The following WWOX variants were observed in gnomAD, a reference collection of about 807,000 sequenced individuals.
WWOX encodes the protein WW domain containing oxidoreductase.
A neutral mutation model predicts 46.2 loss-of-function variants in WWOX; 69 were observed. The observed-to-expected ratio is 1.49, with a 90% confidence interval of 1.23 to 1.82. WWOX has a LOEUF of 1.82. WWOX is among the 40% of genes most tolerant of loss of function. The pLI, the probability that WWOX is intolerant of heterozygous loss-of-function variation, is 0.00. For synonymous variants in WWOX, 359 were observed against 202.6 expected, an observed-to-expected ratio of 1.77 and a Z score of -6.56; for missense variants, 919 against 542.6, an observed-to-expected ratio of 1.69 and a Z score of -6.89.
At chr16:78,652,367 C>G (rs1039933218) in intron 8 of WWOX, among the ~76,000 whole-genome samples, 3 of 146,644 alleles carry the variant, frequency 2.0e-5, no homozygotes, top group African/African-American at 7.7e-5. Context: ...CAAGGTCACG[C>G]CAGTGTACTC....
intron 8 of WWOX, among the ~76,000 whole-genome samples, chr16:78,599,028 T>C (rs2045559627): frequency 6.6e-6 from 1 of 152,142 alleles, no homozygotes; most frequent in African/African-American, 2.4e-5. Flanking sequence ...ACCCCTAAGT[T>C]TGAACAATCA....
intron 5 of WWOX, among the ~76,000 whole-genome samples, chr16:78,277,182 C>T (rs937650021): frequency 6.6e-6 from 1 of 152,012 alleles, no homozygotes; most frequent in Non-Finnish European, 1.5e-5. Context: ...TTTGAAGTAG[C>T]AATTTGAAAG....
intron 8 of WWOX, among the ~76,000 whole-genome samples, chr16:79,195,045 C>T (rs563346940): frequency 2.0e-5 from 3 of 152,226 alleles, no homozygotes; most frequent in East Asian, 3.9e-4. Context: ...GAACATTATG[C>T]ATATGGTGTG....
chr16:78,259,254 A>G (rs2038215933), intron 5 of WWOX, among the ~76,000 whole-genome samples: 1 of 152,244 alleles, frequency 6.6e-6, no homozygotes, highest in African/African-American at 2.4e-5. Context: ...AGACCAAGGG[A>G]TATTTGAAAA....
At chr16:79,184,072 A>G (rs1243203610) in intron 8 of WWOX, among the ~76,000 whole-genome samples, 2 of 152,210 alleles carry the variant, frequency 1.3e-5, no homozygotes. Context: ...AACATTGTCA[A>G]AAGGACTCAA....
chr16:79,080,723 T>C (rs1013871902), intron 8 of WWOX, among the ~76,000 whole-genome samples: 11 of 152,108 alleles, frequency 7.2e-5, no homozygotes, highest in African/African-American at 2.7e-4. Flanking sequence ...TCCCAGCCAC[T>C]TGGGAGGCTG....
intron 8 of WWOX, among the ~76,000 whole-genome samples, chr16:79,166,504 C>A (rs1174632627): frequency 6.6e-6 from 1 of 152,160 alleles, no homozygotes; most frequent in East Asian, 1.9e-4. Flanking sequence ...TTCAGAACCA[C>A]ACCATACGGG....
intron 8 of WWOX, among the ~76,000 whole-genome samples, chr16:78,990,687 C>T (rs1983096): frequency 6.6e-6 from 1 of 152,142 alleles, no homozygotes; most frequent in South Asian, 2.1e-4. Flanking sequence ...GGGAGAAGCA[C>T]ATAGAGGAAA....
chr16:79,007,771 A>C (rs540433927), intron 8 of WWOX, among the ~76,000 whole-genome samples: 2 of 152,224 alleles, frequency 1.3e-5, no homozygotes, highest in Non-Finnish European at 2.9e-5. Flanking sequence ...TTTCTCGGAT[A>C]CCAAAGCTAT....
chr16:78,423,047 G>A (rs575610345), intron 6 of WWOX, among the ~76,000 whole-genome samples: 2 of 151,766 alleles, frequency 1.3e-5, no homozygotes, highest in South Asian at 2.1e-4. Context: ...CACCACGCTG[G>A]GCTAACTTTT....
intron 5 of WWOX, among the ~76,000 whole-genome samples, chr16:78,240,535 C>T (rs2037607981): frequency 6.6e-6 from 1 of 152,146 alleles, no homozygotes; most frequent in South Asian, 2.1e-4. Context: ...GTCTCCTGAA[C>T]TGTGAGAGTC....
intron 8 of WWOX, among the ~76,000 whole-genome samples, chr16:78,664,653 G>C (rs118152460): frequency 0.018 from 2,760 of 152,298 alleles, 36 homozygotes; most frequent in Non-Finnish European, 0.028. Flanking sequence ...ATCCGTATCA[G>C]TGTGTCTAGG....
At chr16:79,055,261 T>C (rs1314217688) in intron 8 of WWOX, among the ~76,000 whole-genome samples, 1 of 150,310 alleles carries the variant, frequency 6.7e-6, no homozygotes, top group Non-Finnish European at 1.5e-5. Flanking sequence ...CCTTTCTAAT[T>C]AACATTACAT....
intron 5 of WWOX, among the ~76,000 whole-genome samples, chr16:78,265,736 G>T (rs1323984794): frequency 6.7e-6 from 1 of 149,800 alleles, no homozygotes; most frequent in Non-Finnish European, 1.5e-5. Flanking sequence ...CTCCATGAGG[G>T]CACAAAGTTG....
intron 8 of WWOX, among the ~76,000 whole-genome samples, chr16:78,725,632 G>C (rs1158102362): frequency 3.3e-5 from 5 of 151,902 alleles, no homozygotes; most frequent in Non-Finnish European, 5.9e-5. Context: ...TTTATCAGCA[G>C]CATTAAAACA....
chr16:78,983,567 T>A (rs2046724580), intron 8 of WWOX, among the ~76,000 whole-genome samples: 1 of 152,200 alleles, frequency 6.6e-6, no homozygotes, highest in Non-Finnish European at 1.5e-5. Flanking sequence ...ATGTTCAGCC[T>A]GTCTCCCTTT....
At chr16:79,209,139 A>AAGTT (rs1204504599) in intron 8 of WWOX, among the ~76,000 whole-genome samples, 4 of 152,212 alleles carry the variant, frequency 2.6e-5, no homozygotes, top group African/African-American at 4.8e-5. Flanking sequence ...TCCTGATAAA[A>AAGTT]AGTTAGGCTT....
intron 8 of WWOX, among the ~76,000 whole-genome samples, chr16:79,193,721 A>G (rs1245011665): frequency 6.6e-6 from 1 of 152,180 alleles, no homozygotes; most frequent in Non-Finnish European, 1.5e-5. Context: ...AGGAGAGGAA[A>G]GTCCCCACTT....
intron 8 of WWOX, among the ~76,000 whole-genome samples, chr16:78,790,792 G>C (rs1304971379): frequency 6.6e-6 from 1 of 151,974 alleles, no homozygotes; most frequent in Non-Finnish European, 1.5e-5. Context: ...GGCAGAAGTG[G>C]GAGGATCACT....
Sources: allele counts gnomAD v4.1 joint callset (sites outside exome capture counted in the v4.1 genomes callset), GRCh38; gene constraint gnomAD v4.1.1; transcripts MANE v1.5; gene names NCBI Gene and HGNC (gene_info 2026-07-23, HGNC 2026-07-21).